The following UNC45B variants were observed in gnomAD, a reference collection of about 807,000 sequenced individuals.
The protein encoded by UNC45B is protein unc-45 homolog B.
Under a neutral mutation model 98.7 loss-of-function variants are expected in UNC45B, and 78 were observed. The observed-to-expected ratio is 0.79, with a 90% CI of 0.66 to 0.95. The LOEUF (loss-of-function observed/expected upper bound fraction) is 0.95, where lower values mean the gene tolerates loss of function less well. Ranked by LOEUF, UNC45B falls within the 40% of genes least tolerant of loss-of-function variation. The pLI, the probability that UNC45B is intolerant of heterozygous loss-of-function variation, is 0.00. For missense variants in UNC45B, 1,225 were observed against 1,184.9 expected (o/e 1.03, Z -0.50); for synonymous variants, 462 against 480.4 (o/e 0.96, Z 0.50).
At chr17:35,159,629 C>A in intron 8 of UNC45B, 84 bp downstream of exon 8, 1 of 1,462,110 alleles carries the variant, frequency 6.8e-7, no homozygotes, top group Non-Finnish European at 9.3e-7. Context: ...AGATGTGAGG[C>A]TCTTGAAGGG....
At chr17:35,148,843 C>A (rs1162931582) in intron 2 of UNC45B, 130 bp from the exon 3 acceptor site, 9 of 1,088,376 alleles carry the variant, frequency 8.3e-6, no homozygotes, top group Non-Finnish European at 1.2e-5. Flanking sequence ...CTGTGAGGAG[C>A]ATGCCCTGGG....
chr17:35,156,412 G>A (rs538246026), intron 7 of UNC45B, among the ~76,000 whole-genome samples: 1 of 152,166 alleles, frequency 6.6e-6, no homozygotes, highest in African/African-American at 2.4e-5. Context: ...TGGATCATGA[G>A]GTCAGGAGTT....
At chr17:35,175,034 G>GGGAA (rs2092218856) in intron 14 of UNC45B, among the ~76,000 whole-genome samples, 1 of 137,588 alleles carries the variant, frequency 7.3e-6, no homozygotes, top group Non-Finnish European at 1.5e-5. Flanking sequence ...AGGAGAGAGA[G>GGGAA]GAAAGAAGGA....
At chr17:35,175,428 C>T (rs2092225848) in intron 14 of UNC45B, among the ~76,000 whole-genome samples, 1 of 152,110 alleles carries the variant, frequency 6.6e-6, no homozygotes, top group Admixed American at 6.5e-5. Flanking sequence ...GGTGGGTGGG[C>T]AGCTGGTAAG....
intron 8 of UNC45B, among the ~76,000 whole-genome samples, chr17:35,160,092 G>A (rs1339920507): frequency 1.3e-5 from 2 of 152,186 alleles, no homozygotes; most frequent in African/African-American, 4.8e-5. Context: ...AATATTTCAA[G>A]GGGAAAGACA....
chr17:35,177,430 A>G (rs962216866), intron 16 of UNC45B, 65 bp from the exon 17 acceptor site: 1 of 1,202,886 alleles, frequency 8.3e-7, no homozygotes, highest in Non-Finnish European at 1.2e-6. Flanking sequence ...CTGGTCACCT[A>G]TAAATGTGAG....
intron 8 of UNC45B, among the ~76,000 whole-genome samples, chr17:35,162,715 G>C (rs959254060): frequency 1.3e-5 from 2 of 152,110 alleles, no homozygotes; most frequent in Admixed American, 1.3e-4. Flanking sequence ...CAAGCAGCTG[G>C]GATTACAGGT....
At chr17:35,175,240 A>G (rs185175291) in intron 14 of UNC45B, among the ~76,000 whole-genome samples, 74 of 152,216 alleles carry the variant, frequency 4.9e-4, no homozygotes, top group African/African-American at 1.8e-3. Context: ...AAAGGAGGCC[A>G]CTGTTCCTTC....
chr17:35,183,697 GCC>G, intron 19 of UNC45B, 115 bp downstream of exon 19: 1 of 1,170,736 alleles, frequency 8.5e-7, no homozygotes, highest in Non-Finnish European at 1.1e-6. Flanking sequence ...ACCCCTCGCA[GCC>G]CCCAGGCTTC....
At chr17:35,179,469 C>A (rs2092259029) in intron 17 of UNC45B, among the ~76,000 whole-genome samples, 1 of 152,164 alleles carries the variant, frequency 6.6e-6, no homozygotes, top group African/African-American at 2.4e-5. Context: ...TATTGTGGCA[C>A]TATTCACAAT....
rs531660473 is a variant in UNC45B at position 35,170,189 on chromosome 17, C to T, written c.1623C>T (p.Asp541=). Residue 541 remains aspartate, a synonymous_variant, in exon 12 of 20, where the codon GAC becomes GAT. Coordinates refer to ENST00000394570, the MANE Select transcript of UNC45B (RefSeq NM_001267052.2). Reference sequence around the variant, plus strand: ...AGGGCCTGGCCTACCTCACGCTGGACGCTGATGTGAAGGACGACTTTGTCC... The same window carrying T: ...AGGGCCTGGCCTACCTCACGCTGGATGCTGATGTGAAGGACGACTTTGTCC... The part of the protein sequence containing the change: ...AVEGLAYLTL[D]ADVKDDFVQD... The T allele has an allele frequency of 4.0e-5, 64 of 1,613,922 alleles. No individual in the cohort carries two copies. Among genetic ancestry groups the T allele is most frequent in the Middle Eastern group, 3.3e-4 (2 of 6,060 alleles).
At chr17:35,148,192 C>T in intron 1 of UNC45B, 72 bp from the exon 2 acceptor site, 1 of 1,568,316 alleles carries the variant, frequency 6.4e-7, no homozygotes, top group African/African-American at 1.4e-5. Flanking sequence ...GAGCTCCGGA[C>T]CTCAGGCCAG....
At chr17:35,176,265 A>G (rs1011439739) in intron 15 of UNC45B, among the ~76,000 whole-genome samples, 11 of 152,072 alleles carry the variant, frequency 7.2e-5, no homozygotes, top group African/African-American at 2.7e-4. Flanking sequence ...CCGTGCAAAG[A>G]CAGACCCTGG....
intron 18 of UNC45B, among the ~76,000 whole-genome samples, chr17:35,181,907 G>T (rs929527494): frequency 6.6e-6 from 1 of 152,024 alleles, no homozygotes; most frequent in Non-Finnish European, 1.5e-5. Flanking sequence ...GACAGAGAGT[G>T]TGTCCAAGGA....
intron 4 of UNC45B, among the ~76,000 whole-genome samples, chr17:35,152,354 A>G (rs1039783667): frequency 1.3e-5 from 2 of 152,162 alleles, no homozygotes; most frequent in Non-Finnish European, 1.5e-5. Flanking sequence ...GGAGTGAAGG[A>G]TGATGATCAG....
At chr17:35,158,091 G>T (rs2092076340) in intron 7 of UNC45B, among the ~76,000 whole-genome samples, 1 of 152,152 alleles carries the variant, frequency 6.6e-6, no homozygotes, top group South Asian at 2.1e-4. Context: ...GCCCAGGCTG[G>T]TCTCAAACCC....
intron 5 of UNC45B, among the ~76,000 whole-genome samples, chr17:35,153,325 C>A (rs530751566): frequency 2.6e-5 from 4 of 152,236 alleles, no homozygotes; most frequent in South Asian, 4.1e-4. Flanking sequence ...AAATTTTGCA[C>A]CCAAGGCAAG....
chr17:35,162,934 G>T (rs1485110578), intron 8 of UNC45B, among the ~76,000 whole-genome samples: 1 of 152,114 alleles, frequency 6.6e-6, no homozygotes, highest in African/African-American at 2.4e-5. Flanking sequence ...ACCTGGCTCC[G>T]AAATCCATCT....
At chr17:35,158,640 A>G (rs780867796) in intron 7 of UNC45B, among the ~76,000 whole-genome samples, 21 of 152,224 alleles carry the variant, frequency 1.4e-4, no homozygotes, top group South Asian at 6.2e-4. Context: ...CCTCTGGTCC[A>G]AAGTCTGCCC....
Sources: allele counts gnomAD v4.1 joint callset (sites outside exome capture counted in the v4.1 genomes callset), GRCh38; gene constraint gnomAD v4.1.1; transcripts MANE v1.5; gene names NCBI Gene and HGNC (gene_info 2026-07-23, HGNC 2026-07-21).